The following QRICH2 variants were observed in gnomAD, a reference collection of about 807,000 sequenced individuals.
QRICH2 encodes glutamine rich 2, also known as glutamine-rich protein 2.
A neutral mutation model predicts 168.3 loss-of-function variants in QRICH2; 119 were observed. The observed-to-expected ratio is 0.71, with a 90% CI of 0.61 to 0.82. The LOEUF (loss-of-function observed/expected upper bound fraction) is 0.82. QRICH2 is among the 40% of genes least tolerant of loss of function. The probability of loss-of-function intolerance (pLI) is 0.00; values close to 1 mark genes in which losing one functional copy is unlikely to be tolerated. For synonymous variants in QRICH2, 894 were observed against 951.2 expected (o/e 0.94, Z 1.11); for missense variants, 2,241 against 2,491.6 (o/e 0.90, Z 2.14).
chr17:76,275,820 TGAG>T lies in QRICH2; in HGVS notation c.5478_5480del (p.Ser1827del), dbSNP rs749031697. 4.4e-6 allele frequency: 7 copies of T among 1,605,380 alleles called. 1 individual carries two copies. The South Asian group carries it at 7.7e-5, about 18-fold the overall frequency. ...ACGCCCCACCCAGAGGGAAGCTACC[TGAG>T]GTGTTGCCAGCCGAAATCTGGGCGC... On this transcript the variant is annotated inframe_deletion and splice_region_variant, in exon 18 of 19. Transcript: ENST00000680821.
chr17:76,293,692 T>C lies in QRICH2; in HGVS notation c.1035A>G (p.Arg345=). 1 of 1,614,182 alleles carries C rather than the reference T, an allele frequency of 6.2e-7. No individual in the cohort carries two copies. The highest frequency in any genetic ancestry group is 8.5e-7 in the Non-Finnish European group (1 of 1,180,040). ...TTGGTTGTGTCGAGGTAAGCTTCTCTCTACTCCTGTGACGATCTGAGTCTG... is the reference window on the plus strand; with the variant it reads ...TTGGTTGTGTCGAGGTAAGCTTCTCCCTACTCCTGTGACGATCTGAGTCTG... ...FKSDSDRHRS[R]EKLTSTQPRR... is the part of the protein sequence containing the mutation. Residue 345 remains arginine (R), a synonymous_variant, in exon 4 of 19, where the codon AGA becomes AGG. Transcript: ENST00000680821.
At chr17:76,285,889 A>G (rs1265734875) in intron 7 of QRICH2, among the ~76,000 whole-genome samples, 1 of 151,630 alleles carries the variant, frequency 6.6e-6, no homozygotes, top group Non-Finnish European at 1.5e-5. Flanking sequence ...ACAACTTATT[A>G]TGGCCAGGTG....
At chr17:76,276,271 G>T (rs1371481865) in intron 17 of QRICH2, among the ~76,000 whole-genome samples, 1 of 152,182 alleles carries the variant, frequency 6.6e-6, no homozygotes, top group Non-Finnish European at 1.5e-5. Flanking sequence ...TGCATGATGG[G>T]AAGTGACAAA....
In QRICH2 at chr17:76,291,691, T is replaced by C; in HGVS notation, c.3036A>G (p.Val1012=). 1 of 1,614,108 alleles carries C rather than the reference T, an allele frequency of 6.2e-7. No homozygotes were observed. Among genetic ancestry groups the C allele is most frequent in the Non-Finnish European group, 8.5e-7 (1 of 1,180,010 alleles). ...ISVRPYQHGM[V]PPGREQYGQV... ...GGCCGTATTGTTCTCTGCCAGGAGG[T>C]ACCATACCATGTTGATATGGACGTA... is the stretch of plus-strand genomic sequence containing the variant. Residue 1012 remains valine, a synonymous_variant, in exon 4 of 19, where the codon GTA becomes GTG. Transcript: ENST00000680821.
intron 3 of QRICH2, among the ~76,000 whole-genome samples, chr17:76,296,404 G>A (rs1314424643): frequency 6.6e-6 from 1 of 152,186 alleles, no homozygotes; most frequent in Admixed American, 6.5e-5. Context: ...GAATTGAGGT[G>A]GAGTCTGGCA....
intron 3 of QRICH2, 118 bp downstream of exon 3, chr17:76,304,297 T>C: frequency 1.6e-6 from 1 of 641,484 alleles, no homozygotes; most frequent in South Asian, 1.8e-5. Context: ...AAAACACCCA[T>C]ATCAATGAAA....
At chr17:76,294,082 G>T in intron 3 of QRICH2, 61 bp from the exon 4 acceptor site, 1 of 1,519,818 alleles carries the variant, frequency 6.6e-7, no homozygotes, top group Non-Finnish European at 8.8e-7. Context: ...AGAGTGGGAA[G>T]AAAGGAAATC....
chr17:76,291,685 A>C lies in QRICH2; in HGVS notation c.3042T>G (p.Pro1014=). ...VRPYQHGMVP[P]GREQYGQVSP... ...ACACCTGGCCGTATTGTTCTCTGCC[A>C]GGAGGTACCATACCATGTTGATATG... The change falls in exon 4 of 19, where the codon CCT becomes CCG. Residue 1014 remains proline, a synonymous_variant. Coordinates refer to ENST00000680821, the MANE Select transcript of QRICH2 (RefSeq NM_001388453.1). 6.2e-7 allele frequency: 1 copy of C among 1,614,214 alleles called. No homozygotes were observed. The highest frequency in any genetic ancestry group is 2.2e-5 in the East Asian group (1 of 44,886).
At position 76,288,551 on chromosome 17, in the gene QRICH2, T is replaced by C. The variant is rs571866749; in HGVS notation, c.3799-654A>G. 2.0e-5 allele frequency among the ~76,000 whole-genome samples: 3 copies of C among 149,868 alleles called. No individual in the cohort carries two copies. In the East Asian group the frequency reaches 6.0e-4, roughly 30 times the overall value. On this transcript the variant is annotated intron_variant, in intron 5 of 18. Transcript: ENST00000680821. ...GAAACCCTGTCTCTACTAAAAATAC[T>C]AAAATTAGCTGGGCATGAACATGCA...
Position 76,281,788 on chromosome 17 carries a change from T to C in QRICH2, c.4263+76A>G, listed in dbSNP as rs1598480920. The C allele has an allele frequency of 1.9e-6, 3 of 1,562,110 alleles. No homozygotes were observed. Among genetic ancestry groups the C allele is most frequent in the Non-Finnish European group, 2.6e-6 (3 of 1,145,470 alleles). ...GGCCCAAACACCCGCCCCACTTCTG[T>C]GGGTCTGCAGCAGGGTGGCCCTCCT... is the stretch of plus-strand genomic sequence containing the variant. On this transcript the variant is annotated intron_variant, in intron 8 of 18. Transcript: ENST00000680821. This position sits in a 1 kb window ranked among gnomAD's most constrained non-coding sequence, Gnocchi z 4.4.
In QRICH2 at chr17:76,294,002, C is replaced by A; in HGVS notation, c.725G>T (p.Gly242Val). 1 of 1,605,252 alleles carries A rather than the reference C, an allele frequency of 6.2e-7. No homozygotes were observed. Among genetic ancestry groups the A allele is most frequent in the South Asian group, 1.1e-5 (1 of 90,682 alleles). ...ASQAGSETLM[G>V]FSKHGGFTSL... ...AGTGAACCCTCCGTGCTTAGAAAATCCCATAAGTGTTTCTGAGCCCTGGTT... is the reference window on the plus strand; with the variant it reads ...AGTGAACCCTCCGTGCTTAGAAAATACCATAAGTGTTTCTGAGCCCTGGTT... Residue 242 changes from glycine to valine, a missense_variant, in exon 4 of 19, where the codon GGA (glycine) becomes GTA (valine). Physicochemically the swap from Gly to Val is moderately radical, Grantham distance 109. This residue lies in a region of QRICH2 where 2,047 missense variants were observed against 2,303.8 expected (regional missense o/e 0.89). Coordinates refer to ENST00000680821, the MANE Select transcript of QRICH2 (RefSeq NM_001388453.1).
At chr17:76,289,082 C>A (rs1402998984) in intron 5 of QRICH2, among the ~76,000 whole-genome samples, 3 of 141,316 alleles carry the variant, frequency 2.1e-5, no homozygotes, top group Non-Finnish European at 4.5e-5. Context: ...CCAGCCTTGG[C>A]GACAGAGTGA....
In QRICH2 at chr17:76,307,995, G is replaced by A. The variant is rs933345223; in HGVS notation, c.4C>T (p.Pro2Ser). ...CGGAGGGAGACCGTGGTCGCGGGCG[G>A]CATCGTGGCTGTCAGGAGCTGTGCG... M[P>S]PATTVSLREL... The change falls in exon 1 of 19, where the codon CCG (proline) becomes TCG (serine). Residue 2 changes from proline (P) to serine (S), a missense_variant. By Grantham distance (74) the Pro-to-Ser change is moderately conservative. Around this residue, in one of 3 missense-constraint regions of QRICH2, gnomAD observed 2,047 missense variants for 2,303.8 expected, o/e 0.89. Transcript: ENST00000680821. This position sits in a 1 kb window ranked among gnomAD's most constrained non-coding sequence, Gnocchi z 5.3. 8 of 1,233,052 alleles carry A rather than the reference G, an allele frequency of 6.5e-6. No homozygotes were observed. The highest frequency in any genetic ancestry group is 8.4e-5 in the Admixed American group (2 of 23,948). 76.4% of individuals were successfully genotyped at this position (1,233,052 alleles called of 1,614,324 possible). A position where few individuals can be genotyped will look rare whatever the true frequency, so the allele number is the denominator to read the frequency against.
At chr17:76,296,051 C>T (rs1383834924) in intron 3 of QRICH2, among the ~76,000 whole-genome samples, 3 of 152,058 alleles carry the variant, frequency 2.0e-5, no homozygotes, top group African/African-American at 7.2e-5. Flanking sequence ...GGTGAAACCC[C>T]GTCTCTACTA....
chr17:76,276,607 G>T, intron 17 of QRICH2, 73 bp downstream of exon 17: 1 of 1,123,112 alleles, frequency 8.9e-7, no homozygotes, highest in Non-Finnish European at 1.3e-6. Context: ...CCATAAAAGT[G>T]CCAGGCCCCA....
intron 7 of QRICH2, among the ~76,000 whole-genome samples, chr17:76,283,842 C>T (rs1164304106): frequency 7.3e-6 from 1 of 137,848 alleles, no homozygotes; most frequent in Non-Finnish European, 1.5e-5. Flanking sequence ...CCATTGGACT[C>T]CAGCCTGGGC....
intron 17 of QRICH2, among the ~76,000 whole-genome samples, chr17:76,276,311 C>T (rs557347551): frequency 5.9e-4 from 90 of 152,252 alleles, no homozygotes; most frequent in South Asian, 2.5e-3. Flanking sequence ...CCACGGGAGG[C>T]GGGCATTCGG....
chr17:76,307,078 G>A lies in QRICH2; in HGVS notation c.534+387C>T, dbSNP rs60779084. Among the ~76,000 whole-genome samples, 2 of 151,922 alleles carry A rather than the reference G, an allele frequency of 1.3e-5. No homozygotes were observed. Among genetic ancestry groups the A allele is most frequent in the African/African-American group, 4.8e-5 (2 of 41,330 alleles). On this transcript the variant is annotated intron_variant, in intron 1 of 18. Transcript: ENST00000680821. The surrounding 1 kb of genome is among the most constrained non-coding windows in gnomAD (Gnocchi z 5.3). ...TCTAAGAATCTTCTGAGAAGTTGCC[G>A]GCCCCACTCTGAGCCAGCTCTGGGT... is the stretch of plus-strand genomic sequence containing the variant.
Position 76,293,131 on chromosome 17 carries a change from C to T in QRICH2, c.1596G>A (p.Gln532=). 1 of 1,614,240 alleles carries T rather than the reference C, an allele frequency of 6.2e-7. No homozygotes were observed. ...QHGLVLPFTD[Q]HGLVSPGLMP... is the part of the protein sequence containing the mutation. Reference sequence around the variant, plus strand: ...TCAAACCAGGTGATACCAAACCATGCTGGTCTGTAAAAGGTAGAACCAGGC... The same window carrying T: ...TCAAACCAGGTGATACCAAACCATGTTGGTCTGTAAAAGGTAGAACCAGGC... The change falls in exon 4 of 19, where the codon CAG becomes CAA. Residue 532 remains glutamine, a synonymous_variant. Transcript: ENST00000680821.
Sources: gnomAD v4.1 joint callset for allele counts (sites outside exome capture counted in the v4.1 genomes callset) on GRCh38, gnomAD v4.1.1 for gene constraint, gnomAD v4.1.1 regional missense constraint, Gnocchi (gnomAD v3.1) non-coding constraint, MANE v1.5 for transcripts, NCBI Gene and HGNC (gene_info 2026-07-23, HGNC 2026-07-21) for gene names.